RNASET2: variants seen among roughly 807,000 people sequenced by gnomAD.
RNASET2 encodes the protein ribonuclease 6.
A neutral mutation model predicts 33.9 loss-of-function variants in RNASET2; 28 were observed. The observed-to-expected ratio is 0.83, with a 90% CI of 0.61 to 1.13. The LOEUF (loss-of-function observed/expected upper bound fraction) is 1.13, where lower values mean the gene tolerates loss of function less well. RNASET2 is among the 50% of genes most tolerant of loss of function. The pLI, the probability that RNASET2 is intolerant of heterozygous loss-of-function variation, is 0.00. For synonymous variants in RNASET2, 123 were observed against 121.0 expected (o/e 1.02, Z -0.11); for missense variants, 330 against 319.9 (o/e 1.03, Z -0.24).
At chr6:166,955,249 GCACACAC>G (rs1779097153) in intron 1 of RNASET2, among the ~76,000 whole-genome samples, 2 of 92,914 alleles carry the variant, frequency 2.2e-5, no homozygotes, top group South Asian at 3.3e-4. Context: ...GCACACACAC[GCACACAC>G]GCACACACAC....
rs756328959 is a variant in RNASET2 at position 166,955,960 on chromosome 6, G to A, written c.86+137C>T. 5.5e-6 allele frequency: 6 copies of A among 1,097,810 alleles called. No individual in the cohort carries two copies. The South Asian group carries it at 5.8e-5, about 11-fold the overall frequency. The allele number at this position is 1,097,810 out of a possible 1,614,324, so 68.0% of individuals were successfully genotyped here. A position where few individuals can be genotyped will look rare whatever the true frequency, so the allele number is the denominator to read the frequency against. Reference sequence around the variant, plus strand: ...CTTCCCAGGGGTCACCCCGGAGCGTGCTCGGCTCCCCCCGCCCTCCCCAGT... The same window carrying A: ...CTTCCCAGGGGTCACCCCGGAGCGTACTCGGCTCCCCCCGCCCTCCCCAGT... On this transcript the variant is annotated intron_variant, in intron 1 of 8. Coordinates refer to ENST00000508775, the MANE Select transcript of RNASET2 (RefSeq NM_003730.6).
rs1778268300 is a variant in RNASET2 at position 166,923,854 on chromosome 6, A to T, written c.*5734T>A. On this transcript the variant is annotated 3_prime_UTR_variant, in exon 9 of 9. Coordinates refer to ENST00000508775, the MANE Select transcript of RNASET2 (RefSeq NM_003730.6). ...GGAGCTAGAGCTTGTGAGGAAAAGTAGTATTTTAACTTCTGAGTCTTTTCC... is the reference window on the plus strand; with the variant it reads ...GGAGCTAGAGCTTGTGAGGAAAAGTTGTATTTTAACTTCTGAGTCTTTTCC... 6.6e-6 allele frequency among the ~76,000 whole-genome samples: 1 copy of T among 152,250 alleles called. No homozygotes were observed. Among genetic ancestry groups the T allele is most frequent in the Non-Finnish European group, 1.5e-5 (1 of 68,040 alleles).
chr6:166,951,532 TACC>T (rs146361529), intron 2 of RNASET2, among the ~76,000 whole-genome samples: 3,155 of 152,362 alleles, frequency 0.021, 102 homozygotes, highest in African/African-American at 0.071. Context: ...GCACTGGTGT[TACC>T]ACTAGACCAA....
rs556957381 is a variant in RNASET2, at chr6:166,924,273, G to A, written c.*5315C>T. ...CCGCCACCATGCCCGGCCAATTTTT[G>A]TATTTTTAGTAGAGATGGAGTTTCA... On this transcript the variant is annotated 3_prime_UTR_variant, in exon 9 of 9. Coordinates refer to ENST00000508775, the MANE Select transcript of RNASET2 (RefSeq NM_003730.6). 6.6e-6 allele frequency among the ~76,000 whole-genome samples: 1 copy of A among 151,836 alleles called. No homozygotes were observed. The highest frequency in any genetic ancestry group is 2.1e-4 in the South Asian group (1 of 4,812).
rs755217728 is a variant in RNASET2 at position 166,929,568 on chromosome 6, A to C, written c.*20T>G. 8 of 1,611,378 alleles carry C rather than the reference A, an allele frequency of 5.0e-6. No homozygotes were observed. The Admixed American group carries it at 1.3e-4, about 27-fold the overall frequency. ...AATTTCTCTTGCTTTTTAAAACAGAATATTTCCAAAACTTGGGCATCAATG... is the reference window on the plus strand; with the variant it reads ...AATTTCTCTTGCTTTTTAAAACAGACTATTTCCAAAACTTGGGCATCAATG... On this transcript the variant is annotated 3_prime_UTR_variant, in exon 9 of 9. Transcript: ENST00000508775.
intron 8 of RNASET2, among the ~76,000 whole-genome samples, chr6:166,930,713 C>T (rs1371308092): frequency 6.6e-6 from 1 of 150,964 alleles, no homozygotes; most frequent in African/African-American, 2.4e-5. Flanking sequence ...CATGCATGTA[C>T]ATGCACACAC....
Position 166,926,885 on chromosome 6 carries a change from C to T in RNASET2, c.*2703G>A, listed in dbSNP as rs1215873877. ...CAGAGATGCTCCAGGCAGACGCCTGCTCTGGCTGAGACCCGGGCCAGCTGC... is the reference window on the plus strand; with the variant it reads ...CAGAGATGCTCCAGGCAGACGCCTGTTCTGGCTGAGACCCGGGCCAGCTGC... On this transcript the variant is annotated 3_prime_UTR_variant, in exon 9 of 9. Coordinates refer to ENST00000508775, the MANE Select transcript of RNASET2 (RefSeq NM_003730.6). Among the ~76,000 whole-genome samples, 2 of 152,244 alleles carry T rather than the reference C, an allele frequency of 1.3e-5. No homozygotes were observed. The highest frequency in any genetic ancestry group is 2.4e-5 in the African/African-American group (1 of 41,466).
In RNASET2 at chr6:166,939,491, T is replaced by C. The variant is rs139019994; in HGVS notation, c.333-483A>G. Among the ~76,000 whole-genome samples, 69 of 152,370 alleles carry C rather than the reference T, an allele frequency of 4.5e-4. No homozygotes were observed. In the East Asian group the frequency reaches 0.012, roughly 27 times the overall value. On this transcript the variant is annotated intron_variant, in intron 5 of 8. Transcript: ENST00000508775. ...GGCAATTATTTCAATCCCCCACGAT[T>C]AAATAATCAGTTTCAGTTCACGTCT...
chr6:166,950,213 G>C (rs113174740), intron 2 of RNASET2, among the ~76,000 whole-genome samples: 1 of 151,976 alleles, frequency 6.6e-6, no homozygotes, highest in Non-Finnish European at 1.5e-5. Context: ...CCTCCTCCAC[G>C]GTCCTTCTTC....
At chr6:166,931,467 C>A in intron 7 of RNASET2, 1 of 377,530 alleles carries the variant, frequency 2.6e-6, no homozygotes, top group Non-Finnish European at 5.0e-6. Context: ...CCAACAACTA[C>A]TCTGCCTTTC....
chr6:166,946,575 C>A (rs1778851048), intron 4 of RNASET2, 107 bp downstream of exon 4: 2 of 730,626 alleles, frequency 2.7e-6, no homozygotes, highest in African/African-American at 1.8e-5. Context: ...CTGGTGAATA[C>A]ATTCATGACC....
intron 4 of RNASET2, among the ~76,000 whole-genome samples, chr6:166,944,568 T>G (rs1778782004): frequency 6.6e-6 from 1 of 151,492 alleles, no homozygotes; most frequent in Non-Finnish European, 1.5e-5. Context: ...GTGTGCAAAT[T>G]GGGCTACTTC....
At chr6:166,938,152 G>A (rs1778611508) in intron 6 of RNASET2, among the ~76,000 whole-genome samples, 1 of 152,204 alleles carries the variant, frequency 6.6e-6, no homozygotes, top group African/African-American at 2.4e-5. Flanking sequence ...CAACACAGAG[G>A]CTGTGCAATT....
Position 166,956,209 on chromosome 6 carries a change from C to A in RNASET2, c.-27G>T. The A allele has an allele frequency of 6.5e-7, 1 of 1,539,246 alleles. No homozygotes were observed. Among genetic ancestry groups the A allele is most frequent in the Non-Finnish European group, 8.8e-7 (1 of 1,138,130 alleles). ...GTGCCGACCTGCGGAGAGAACGCTG[C>A]CAGCTGCCGCTCCGGCTCCCACTTC... On this transcript the variant is annotated 5_prime_UTR_variant, in exon 1 of 9. Coordinates refer to ENST00000508775, the MANE Select transcript of RNASET2 (RefSeq NM_003730.6).
Position 166,934,072 on chromosome 6 carries a change from A to T in RNASET2, c.492+19T>A. 2 of 1,599,352 alleles carry T rather than the reference A, an allele frequency of 1.3e-6. No individual in the cohort carries two copies. Among genetic ancestry groups the T allele is most frequent in the Non-Finnish European group, 1.7e-6 (2 of 1,166,558 alleles). On this transcript the variant is annotated intron_variant, in intron 7 of 8. Coordinates refer to ENST00000508775, the MANE Select transcript of RNASET2 (RefSeq NM_003730.6). ...CCCCGGGAGAGACACACGAGAAAAGAAGCAAAAGCAAGACTTACTTGGTAG... is the reference window on the plus strand; with the variant it reads ...CCCCGGGAGAGACACACGAGAAAAGTAGCAAAAGCAAGACTTACTTGGTAG...
intron 7 of RNASET2, chr6:166,931,703 G>A (rs912325834): frequency 7.3e-5 from 12 of 164,890 alleles, no homozygotes; most frequent in South Asian, 1.6e-4. Context: ...CTTCTGCCTC[G>A]TGCCTTCTGA....
At position 166,931,049 on chromosome 6, in the gene RNASET2, T is replaced by C; in HGVS notation, c.562A>G (p.Ser188Gly). 6.2e-7 allele frequency: 1 copy of C among 1,610,138 alleles called. No individual in the cohort carries two copies. Among genetic ancestry groups the C allele is most frequent in the Non-Finnish European group, 8.5e-7 (1 of 1,176,334 alleles). Residue 188 changes from serine (S) to glycine (G), a missense_variant, in exon 8 of 9, where the codon AGC becomes GGC. Transcript: ENST00000508775. ...VIPKIQCLPPSQDEEVQTIGQ... is the reference protein window; with the variant it reads ...VIPKIQCLPPGQDEEVQTIGQ... Reference sequence around the variant, plus strand: ...ACAAAACATAACTGTCTAACCTGGCTTGGTGGAAGGCACTGGATTTTGGGT... The same window carrying C: ...ACAAAACATAACTGTCTAACCTGGCCTGGTGGAAGGCACTGGATTTTGGGT...
Position 166,948,599 on chromosome 6 carries a change from A to G in RNASET2, c.174T>C (p.Pro58=). Residue 58 remains proline (P), a synonymous_variant, in exon 3 of 9, where the codon CCT becomes CCC. Transcript: ENST00000508775. ...CEKIQNDCRD[P]PDYWTIHGLW... ...GTCCATGTATTGTCCAGTAATCCGG[A>G]GGGTCTCTACAGTCGTTTTGAATTT... The G allele has an allele frequency of 6.2e-7, 1 of 1,601,394 alleles. No homozygotes were observed. Among genetic ancestry groups the G allele is most frequent in the Non-Finnish European group, 8.6e-7 (1 of 1,169,072 alleles).
chr6:166,922,797 A>T lies in RNASET2; in HGVS notation c.*6791T>A, dbSNP rs1179280037. Among the ~76,000 whole-genome samples the T allele has an allele frequency of 6.6e-6, 1 of 152,192 alleles. No homozygotes were observed. Among genetic ancestry groups the T allele is most frequent in the African/African-American group, 2.4e-5 (1 of 41,456 alleles). On this transcript the variant is annotated 3_prime_UTR_variant, in exon 9 of 9. Coordinates refer to ENST00000508775, the MANE Select transcript of RNASET2 (RefSeq NM_003730.6). ...TACTGGGGCAGCACGAGCAGCCCAC[A>T]TCTCAGGGTGCAGTCCAAGACATAT...
Sources: allele counts gnomAD v4.1 joint callset (sites outside exome capture counted in the v4.1 genomes callset), GRCh38; gene constraint gnomAD v4.1.1; transcripts MANE v1.5; gene names NCBI Gene and HGNC (gene_info 2026-07-23, HGNC 2026-07-21).